The following STK31 variants were observed in gnomAD, a reference collection of about 807,000 sequenced individuals.
The protein encoded by STK31 is serine/threonine-protein kinase 31.
Under a neutral mutation model 129.7 loss-of-function variants are expected in STK31, and 89 were observed. That is an observed-to-expected ratio of 0.69 (90% CI 0.58 to 0.82). The LOEUF (loss-of-function observed/expected upper bound fraction) is 0.82, where lower values mean the gene tolerates loss of function less well. Among genes scored for constraint, STK31 ranks in the 40% least tolerant of loss-of-function variants. STK31 has a pLI of 0.00. For synonymous variants in STK31, 448 were observed against 395.3 expected, an observed-to-expected ratio of 1.13 and a Z score of -1.58; for missense variants, 1,187 against 1,176.4, an observed-to-expected ratio of 1.01 and a Z score of -0.13.
chr7:23,815,199 A>T lies in STK31; in HGVS notation c.2816A>T (p.Asp939Val). 6.3e-7 allele frequency: 1 copy of T among 1,587,426 alleles called. No homozygotes were observed. The highest frequency in any genetic ancestry group is 8.6e-7 in the Non-Finnish European group (1 of 1,168,176). ...AATAAAGATGGAATCCCCAAAGTGG[A>T]TCAGTTTCATCTGGTATGTGACCTT... The part of the protein sequence containing the change: ...EINKDGIPKV[D>V]QFHLDDKVKS... Residue 939 changes from aspartate (D) to valine (V), a missense_variant, in exon 23 of 24, where the codon GAT becomes GTT. By Grantham distance (152) the Asp-to-Val change is radical (BLOSUM62 -3). Coordinates refer to ENST00000355870, the MANE Select transcript of STK31 (RefSeq NM_031414.5).
chr7:23,750,599 C>T (rs1788653822), intron 8 of STK31, among the ~76,000 whole-genome samples: 1 of 152,176 alleles, frequency 6.6e-6, no homozygotes, highest in African/African-American at 2.4e-5. Flanking sequence ...TTACAAACCA[C>T]AAATTTTGAT....
intron 1 of STK31, chr7:23,710,722 A>G: frequency 9.3e-7 from 1 of 1,070,280 alleles, no homozygotes; most frequent in Non-Finnish European, 1.1e-6. Flanking sequence ...CTATTTTGTG[A>G]TCTCTGTTTG....
At chr7:23,730,874 ATATAT>A (rs1171039762) in intron 6 of STK31, among the ~76,000 whole-genome samples, 7 of 59,732 alleles carry the variant, frequency 1.2e-4, no homozygotes, top group African/African-American at 3.7e-4. Flanking sequence ...ATATATATAT[ATATAT>A]TTTTTTTTTT....
At chr7:23,740,235 T>C (rs1385845557) in intron 8 of STK31, among the ~76,000 whole-genome samples, 1 of 152,204 alleles carries the variant, frequency 6.6e-6, no homozygotes, top group Non-Finnish European at 1.5e-5. Flanking sequence ...CCACCATGCC[T>C]TGCTAAATTA....
At chr7:23,775,825 T>G (rs1261730830) in intron 15 of STK31, among the ~76,000 whole-genome samples, 5 of 152,208 alleles carry the variant, frequency 3.3e-5, no homozygotes, top group Non-Finnish European at 7.3e-5. Flanking sequence ...TTTTATTTCT[T>G]TCTCTTGCTT....
At chr7:23,782,471 C>CAAAAAAAAAAAAAAAA (rs66962254) in intron 16 of STK31, among the ~76,000 whole-genome samples, 6 of 84,526 alleles carry the variant, frequency 7.1e-5, no homozygotes, top group African/African-American at 1.3e-4. Flanking sequence ...GACCCTGTCT[C>CAAAAAAAAAAAAAAAA]AAAAAAAAAA....
chr7:23,808,971 G>GTGTGTGTGTGTGTGTGTGTGCGCA, intron 22 of STK31, among the ~76,000 whole-genome samples: 1 of 60,982 alleles, frequency 1.6e-5, no homozygotes, highest in East Asian at 3.8e-4. Context: ...GTGTGTGTGT[G>GTGTGTGTGTGTGTGTGTGTGCGCA]CCTGTGTCTG....
In STK31 at chr7:23,786,547, G is replaced by A; in HGVS notation, c.2314G>A (p.Glu772Lys). 1.2e-6 allele frequency: 2 copies of A among 1,613,672 alleles called. No homozygotes were observed. The highest frequency in any genetic ancestry group is 1.7e-6 in the Non-Finnish European group (2 of 1,179,766). The change falls in exon 19 of 24, where the codon GAG (glutamate) becomes AAG (lysine). Residue 772 changes from glutamate to lysine, a missense_variant. This residue lies in a region of STK31 where 975 missense variants were observed against 934.9 expected (regional missense o/e 1.04). Transcript: ENST00000355870. ...TGTTGACACAGAAGCCAAGGTGATTGAGAGAGCAGCCACCTACCATAGAGC... is the reference window on the plus strand; with the variant it reads ...TGTTGACACAGAAGCCAAGGTGATTAAGAGAGCAGCCACCTACCATAGAGC... Reference protein sequence around the residue: ...VDVDTEAKVIERAATYHRAWR... With the variant: ...VDVDTEAKVIKRAATYHRAWR...
intron 4 of STK31, among the ~76,000 whole-genome samples, chr7:23,719,283 T>G (rs1396896701): frequency 2.0e-5 from 3 of 152,130 alleles, no homozygotes; most frequent in Admixed American, 1.3e-4. Flanking sequence ...GAAAATCTAC[T>G]GTACACTTTG....
chr7:23,796,948 A>AT (rs1491219602), intron 22 of STK31, among the ~76,000 whole-genome samples: 1 of 150,504 alleles, frequency 6.6e-6, no homozygotes, highest in Non-Finnish European at 1.5e-5. Flanking sequence ...CAAAAAAAAA[A>AT]GCAGGGATTG....
chr7:23,715,533 T>C (rs1342255140), intron 3 of STK31, among the ~76,000 whole-genome samples: 1 of 151,518 alleles, frequency 6.6e-6, no homozygotes, highest in East Asian at 1.9e-4. Flanking sequence ...GGTGGGAAGA[T>C]TGCCTGGGCC....
intron 22 of STK31, chr7:23,811,109 A>T (rs1453766647): frequency 6.2e-6 from 1 of 161,640 alleles, no homozygotes; most frequent in African/African-American, 2.4e-5. Flanking sequence ...TTATGATGAC[A>T]GGTGATAGAT....
At position 23,729,097 on chromosome 7, in the gene STK31, G is replaced by A; in HGVS notation, c.331G>A (p.Val111Met). The A allele has an allele frequency of 1.2e-5, 19 of 1,601,440 alleles. No homozygotes were observed. Among genetic ancestry groups the A allele is most frequent in the Non-Finnish European group, 1.6e-5 (19 of 1,176,446 alleles). ...LKIISVEKCL[V>M]RYIDYGNTEI... ...TGTCTCTTATTTTTTCCAGTGTCTG[G>A]TGAGGTACATTGACTATGGAAATAC... The change falls in exon 6 of 24, where the codon GTG becomes ATG. Residue 111 changes from valine to methionine, a missense_variant. Physicochemically the swap from Val to Met is conservative, Grantham distance 21 (BLOSUM62 1). Transcript: ENST00000355870.
chr7:23,712,048 A>C, intron 1 of STK31, 51 bp from the exon 2 acceptor site: 2 of 1,448,574 alleles, frequency 1.4e-6, no homozygotes, highest in East Asian at 2.3e-5. Flanking sequence ...TTTAGTCTTC[A>C]TTCATTATTA....
At chr7:23,800,122 T>C (rs939080006) in intron 22 of STK31, among the ~76,000 whole-genome samples, 8 of 152,202 alleles carry the variant, frequency 5.3e-5, no homozygotes, top group African/African-American at 1.9e-4. Context: ...AGGAACGCTT[T>C]ACATTGTTGG....
At chr7:23,712,785 C>G (rs1055750527) in intron 3 of STK31, among the ~76,000 whole-genome samples, 1 of 152,108 alleles carries the variant, frequency 6.6e-6, no homozygotes, top group African/African-American at 2.4e-5. Context: ...TAAGGTTACT[C>G]AGTTTTAAAT....
chr7:23,762,502 C>A (rs1211314458), intron 10 of STK31, among the ~76,000 whole-genome samples: 1 of 151,510 alleles, frequency 6.6e-6, no homozygotes, highest in East Asian at 1.9e-4. Flanking sequence ...AGAAAAGAGG[C>A]CATATGTAAT....
At chr7:23,742,515 T>A (rs1051427057) in intron 8 of STK31, among the ~76,000 whole-genome samples, 2 of 152,222 alleles carry the variant, frequency 1.3e-5, no homozygotes, top group Non-Finnish European at 2.9e-5. Context: ...CTTTGTGTGA[T>A]CTTTAGGCAG....
At chr7:23,727,746 G>C (rs967043084) in intron 5 of STK31, 4 of 168,564 alleles carry the variant, frequency 2.4e-5, no homozygotes, top group African/African-American at 9.7e-5. Flanking sequence ...ATTTTTAGTA[G>C]AGACGGGGTT....
Sources: allele counts gnomAD v4.1 joint callset (sites outside exome capture counted in the v4.1 genomes callset), GRCh38; gene constraint gnomAD v4.1.1; regional missense constraint gnomAD v4.1.1; transcripts MANE v1.5; gene names NCBI Gene and HGNC (gene_info 2026-07-23, HGNC 2026-07-21).